The following PCNT variants were observed in gnomAD, a reference collection of about 807,000 sequenced individuals.
The protein encoded by PCNT is kendrin.
A neutral mutation model predicts 380.4 loss-of-function variants in PCNT; 319 were observed. The observed-to-expected ratio is 0.84, with a 90% CI of 0.77 to 0.92. PCNT has a LOEUF of 0.92. PCNT is among the 40% of genes least tolerant of loss of function. PCNT has a pLI of 0.00. For synonymous variants in PCNT, 1,845 were observed against 1,735.2 expected (o/e 1.06, Z -1.57); for missense variants, 4,400 against 4,255.3 (o/e 1.03, Z -0.95).
rs2053677552 is a variant in PCNT, at chr21:46,443,860, C to CG, written c.9751_9752insG (p.Pro3251ArgfsTer85). On this transcript the variant is annotated frameshift_variant, in exon 45 of 47. Transcript: ENST00000359568. LOFTEE classifies it high-confidence loss of function. ...TCCACCCAGAACCAGAGAGTCCCCC[C>CG]CAACCCGGGATGTACCCTCTGGCCA... 6.2e-7 allele frequency: 1 copy of CG among 1,613,310 alleles called. No individual in the cohort carries two copies. Among genetic ancestry groups the CG allele is most frequent in the African/African-American group, 1.3e-5 (1 of 74,930 alleles).
intron 12 of PCNT, among the ~76,000 whole-genome samples, 195 bp downstream of exon 12, chr21:46,355,821 G>A (rs1370467047): frequency 6.6e-6 from 1 of 152,178 alleles, no homozygotes; most frequent in Non-Finnish European, 1.5e-5. Context: ...TCACTGGCTG[G>A]GCAGGAGTGC....
intron 43 of PCNT, 69 bp from the exon 44 acceptor site, chr21:46,442,428 G>T: frequency 2.1e-6 from 2 of 953,476 alleles, no homozygotes; most frequent in South Asian, 2.7e-5. Context: ...GTCACAGTGG[G>T]GTTTTCATTG....
At position 46,334,622 on chromosome 21, in the gene PCNT, C is replaced by A. The variant is rs1157492836; in HGVS notation, c.493C>A (p.Pro165Thr). 1 of 1,607,276 alleles carries A rather than the reference C, an allele frequency of 6.2e-7. No individual in the cohort carries two copies. Among genetic ancestry groups the A allele is most frequent in the Non-Finnish European group, 8.5e-7 (1 of 1,175,398 alleles). ...TGGGATGTTCACAGTCAGTGACCAC[C>A]CACCAGAACAGCGTGGGATGTTCAC... ...QHGMFTVSDH[P>T]PEQRGMFTIS... The change falls in exon 3 of 47, where the codon CCA becomes ACA. Residue 165 changes from proline to threonine, a missense_variant. Pro to Thr is a conservative substitution (Grantham distance 38). Coordinates refer to ENST00000359568, the MANE Select transcript of PCNT (RefSeq NM_006031.6).
chr21:46,332,588 T>A (rs1279773304), intron 2 of PCNT, among the ~76,000 whole-genome samples: 1 of 152,194 alleles, frequency 6.6e-6, no homozygotes, highest in Non-Finnish European at 1.5e-5. Context: ...TGTCCCCTTT[T>A]CGTCCCTCAC....
At chr21:46,372,655 C>T (rs2085192299) in intron 15 of PCNT, among the ~76,000 whole-genome samples, 1 of 152,164 alleles carries the variant, frequency 6.6e-6, no homozygotes, top group Admixed American at 6.5e-5. Context: ...CATTTCTAGC[C>T]ATAAAGTAAG....
At chr21:46,326,124 G>A (rs2083387937) in intron 1 of PCNT, among the ~76,000 whole-genome samples, 1 of 152,220 alleles carries the variant, frequency 6.6e-6, no homozygotes, top group South Asian at 2.1e-4. Context: ...CCAAGGGCTA[G>A]GAAAGCTATT....
intron 15 of PCNT, among the ~76,000 whole-genome samples, chr21:46,370,231 G>GA (rs1460560352): frequency 6.6e-6 from 1 of 151,982 alleles, no homozygotes; most frequent in African/African-American, 2.4e-5. Flanking sequence ...ATCCGGGGGG[G>GA]GGTGTCTTTG....
chr21:46,412,893 A>G lies in PCNT; in HGVS notation c.6051A>G (p.Glu2017=), dbSNP rs761139680. ...AGGATGCACCTCTCTGCAAGCAAGA[A>G]GGCGTGATGTCAGTGCTCACCGTCT... ...TLKDAPLCKQ[E]GVMSVLTVCQ... The change falls in exon 29 of 47, where the codon GAA becomes GAG. Residue 2017 remains glutamate, a synonymous_variant. Transcript: ENST00000359568. 2.5e-6 allele frequency: 4 copies of G among 1,612,980 alleles called. No individual in the cohort carries two copies. Among genetic ancestry groups the G allele is most frequent in the Non-Finnish European group, 3.4e-6 (4 of 1,180,026 alleles).
At chr21:46,390,980 A>C (rs1170987279) in intron 20 of PCNT, 148 bp downstream of exon 20, 1 of 1,179,620 alleles carries the variant, frequency 8.5e-7, no homozygotes, top group Non-Finnish European at 1.2e-6. Flanking sequence ...GTTTGGGAGG[A>C]ATGGGGTGGT....
At chr21:46,340,214 C>A (rs1023145895) in intron 3 of PCNT, among the ~76,000 whole-genome samples, 1 of 152,134 alleles carries the variant, frequency 6.6e-6, no homozygotes, top group Non-Finnish European at 1.5e-5. Flanking sequence ...GAGACTTATT[C>A]ACTCTCAGGA....
Position 46,388,861 on chromosome 21 carries a change from G to T in PCNT, c.3584G>T (p.Gly1195Val), listed in dbSNP as rs1162764359. The change falls in exon 18 of 47, where the codon GGC (glycine) becomes GTC (valine). Residue 1195 changes from glycine (G) to valine (V), a missense_variant. Physicochemically the swap from Gly to Val is moderately radical, Grantham distance 109. Coordinates refer to ENST00000359568, the MANE Select transcript of PCNT (RefSeq NM_006031.6). The surrounding 1 kb of genome is among the most constrained non-coding windows in gnomAD (Gnocchi z 4.2). ...GTGGGGCTCTGCCTGGATGACGCGGGCGCAGGCCTGGCCCTGTCGACAGGT... is the reference window on the plus strand; with the variant it reads ...GTGGGGCTCTGCCTGGATGACGCGGTCGCAGGCCTGGCCCTGTCGACAGGT... The part of the protein sequence containing the change: ...ERVGLCLDDA[G>V]AGLALSTAPA... 6.2e-7 allele frequency: 1 copy of T among 1,607,606 alleles called. No homozygotes were observed. The highest frequency in any genetic ancestry group is 1.1e-5 in the South Asian group (1 of 90,878).
chr21:46,404,070 G>A (rs924788240), intron 27 of PCNT, among the ~76,000 whole-genome samples: 7 of 132,460 alleles, frequency 5.3e-5, no homozygotes, highest in African/African-American at 1.3e-4. Flanking sequence ...TGAACACAGC[G>A]TGGGAGAATT....
intron 21 of PCNT, 24 bp from the exon 22 acceptor site, chr21:46,397,241 T>C: frequency 6.3e-7 from 1 of 1,589,760 alleles, no homozygotes; most frequent in African/African-American, 1.3e-5. Flanking sequence ...GGTGTCCCCG[T>C]GTCTGTCCTG....
At position 46,443,954 on chromosome 21, in the gene PCNT, TGTGATGCCTTCAGG is replaced by T; in HGVS notation, c.9839+7_9839+20del. On this transcript the variant is annotated splice_region_variant and intron_variant, in intron 45 of 46. Transcript: ENST00000359568. ...TCCCCACACAGTGGGGGAAGGTCAGTGTGATGCCTTCAGGCCCCGTCTCCTGCCAGGGCTCTCCC... is the reference window on the plus strand; with the variant it reads ...TCCCCACACAGTGGGGGAAGGTCAGTCCCCGTCTCCTGCCAGGGCTCTCCC... 6.2e-7 allele frequency: 1 copy of T among 1,611,522 alleles called. No homozygotes were observed. The highest frequency in any genetic ancestry group is 8.5e-7 in the Non-Finnish European group (1 of 1,179,464).
intron 35 of PCNT, among the ~76,000 whole-genome samples, 197 bp downstream of exon 35, chr21:46,428,787 G>A (rs1569295479): frequency 6.6e-6 from 1 of 151,886 alleles, no homozygotes; most frequent in Admixed American, 6.5e-5. Flanking sequence ...GGGCTGGCAC[G>A]GAGGCCTCAC....
At chr21:46,396,550 C>T (rs1601951268) in intron 21 of PCNT, among the ~76,000 whole-genome samples, 1 of 152,200 alleles carries the variant, frequency 6.6e-6, no homozygotes, top group South Asian at 2.1e-4. Context: ...AGTTAAATTT[C>T]AACATGAGTT....
In PCNT at chr21:46,325,202, C is replaced by G. The variant is rs866647085; in HGVS notation, c.54+920C>G. 5.1e-6 allele frequency: 5 copies of G among 985,412 alleles called. No individual in the cohort carries two copies. In the South Asian group the frequency reaches 1.4e-4, roughly 28 times the overall value. The allele number at this position is 985,412 out of a possible 1,614,324, so 61.0% of individuals were successfully genotyped here. ...GGCGGAACCGCGGGAGCAGGCCGGCCTCTGCGAGGTGCGCGCCGCTCCCCC... is the reference window on the plus strand; with the variant it reads ...GGCGGAACCGCGGGAGCAGGCCGGCGTCTGCGAGGTGCGCGCCGCTCCCCC... On this transcript the variant is annotated intron_variant, in intron 1 of 46. Transcript: ENST00000359568.
chr21:46,406,858 T>C (rs2086635995), intron 27 of PCNT, among the ~76,000 whole-genome samples: 1 of 152,282 alleles, frequency 6.6e-6, no homozygotes, highest in Non-Finnish European at 1.5e-5. Context: ...ATTGAGTGAT[T>C]TATTTCTTGG....
At chr21:46,365,551 ACTGCCGTGGGGTTCTG>A (rs2084886931) in intron 14 of PCNT, among the ~76,000 whole-genome samples, 1 of 138,370 alleles carries the variant, frequency 7.2e-6, no homozygotes, top group Non-Finnish European at 1.5e-5. Flanking sequence ...GGTTCTGATC[ACTGCCGTGGGGTTCTG>A]TTCACTCCCA....
Sources: allele counts gnomAD v4.1 joint callset (sites outside exome capture counted in the v4.1 genomes callset), GRCh38; gene constraint gnomAD v4.1.1; non-coding constraint Gnocchi (gnomAD v3.1); transcripts MANE v1.5; gene names NCBI Gene and HGNC (gene_info 2026-07-23, HGNC 2026-07-21).